Variants in SLCO1A2 observed in about 807,000 individuals in gnomAD.
SLCO1A2 encodes the protein solute carrier organic anion transporter family member 1A2.
A neutral mutation model predicts 69.0 loss-of-function variants in SLCO1A2; 67 were observed. The ratio of observed to expected loss-of-function variants is 0.97; its 90% CI spans 0.80 to 1.19. The LOEUF is 1.19. Among genes scored for constraint, SLCO1A2 ranks in the 50% most tolerant of loss-of-function variants. The probability of loss-of-function intolerance (pLI) is 0.00; values close to 1 mark genes in which losing one functional copy is unlikely to be tolerated. For missense variants in SLCO1A2, 787 were observed against 793.7 expected (o/e 0.99, Z 0.10); for synonymous variants, 260 against 265.9 (o/e 0.98, Z 0.22).
At chr12:21,371,730 C>T (rs879392342) in intron 2 of SLCO1A2, among the ~76,000 whole-genome samples, 28 of 152,186 alleles carry the variant, frequency 1.8e-4, no homozygotes, top group South Asian at 1.7e-3. Flanking sequence ...AGGATGGGTG[C>T]GGTGGCTGAC....
chr12:21,363,859 T>A (rs1320026564), intron 2 of SLCO1A2, among the ~76,000 whole-genome samples: 1 of 152,184 alleles, frequency 6.6e-6, no homozygotes, highest in Non-Finnish European at 1.5e-5. Context: ...AGAAGCTGAA[T>A]CCCTGAATAG....
chr12:21,374,232 T>C (rs1486586948), intron 2 of SLCO1A2, among the ~76,000 whole-genome samples: 1 of 152,178 alleles, frequency 6.6e-6, no homozygotes, highest in African/African-American at 2.4e-5. Context: ...ATTTTCAAAC[T>C]GAGATTTTAA....
chr12:21,273,599 C>T lies in SLCO1A2; in HGVS notation c.1793+870G>A, dbSNP rs150921432. 1.3e-3 allele frequency among the ~76,000 whole-genome samples: 201 copies of T among 152,214 alleles called. 1 individual carries two copies. The highest frequency in any genetic ancestry group is 4.6e-3 in the African/African-American group (190 of 41,550). ...AATTCAGGAGACTATCAACAAGAAT[C>T]CAAGTAGCAGGATGAGGCCAACCCT... is the stretch of plus-strand genomic sequence containing the variant. On this transcript the variant is annotated intron_variant, in intron 14 of 14. Coordinates refer to ENST00000683939, the MANE Select transcript of SLCO1A2 (RefSeq NM_001386879.1).
chr12:21,336,370 C>T (rs911637902), upstream of SLCO1A2, among the ~76,000 whole-genome samples: 2 of 151,894 alleles, frequency 1.3e-5, no homozygotes, highest in South Asian at 4.1e-4. Flanking sequence ...ATATAGTTCC[C>T]TCCATGAATT....
At chr12:21,357,139 T>G (rs1938431590) in intron 2 of SLCO1A2, among the ~76,000 whole-genome samples, 1 of 152,134 alleles carries the variant, frequency 6.6e-6, no homozygotes, top group Non-Finnish European at 1.5e-5. Flanking sequence ...GCAAAATGCA[T>G]CTGTTGAAGT....
Position 21,269,601 on chromosome 12 carries a change from TATC to T in SLCO1A2, c.1957_1959del (p.Asp653del). 1 of 1,612,600 alleles carries T rather than the reference TATC, an allele frequency of 6.2e-7. No individual in the cohort carries two copies. ...TTCAAAACCGTGGACTTTTGGTATATATCTTTGCACTCATTTTCCTTCCCTTTG... is the reference window on the plus strand; with the variant it reads ...TTCAAAACCGTGGACTTTTGGTATATTTTGCACTCATTTTCCTTCCCTTTG... On this transcript the variant is annotated inframe_deletion, in exon 15 of 15. Transcript: ENST00000683939.
At position 21,268,302 on chromosome 12, in the gene SLCO1A2, T is replaced by C. The variant is rs577789812; in HGVS notation, c.*1246A>G. The C allele has an allele frequency of 3.5e-4, 53 of 152,224 alleles. No individual in the cohort carries two copies. Among genetic ancestry groups the C allele is most frequent in the African/African-American group, 1.3e-3 (53 of 41,544 alleles). The allele number at this position is 152,224 out of a possible 1,614,324, so 9.4% of individuals were successfully genotyped here. ...CTCTGTTGTATCCCTGCAGACACTC[T>C]CACTCCATTTATAGTACACATAAAT... On this transcript the variant is annotated 3_prime_UTR_variant, in exon 15 of 15. Transcript: ENST00000683939.
At chr12:21,384,773 T>C (rs1940785155) in intron 1 of SLCO1A2, among the ~76,000 whole-genome samples, 1 of 150,918 alleles carries the variant, frequency 6.6e-6, no homozygotes, top group South Asian at 2.1e-4. Context: ...TTTTTTCTTT[T>C]TTTTTTTTTT....
rs1348107302 is a variant in SLCO1A2, at chr12:21,304,089, C to T, written c.589+338G>A. On this transcript the variant is annotated intron_variant, in intron 6 of 14. Transcript: ENST00000683939. Reference sequence around the variant, plus strand: ...ACAAAAACAGAGGTAGTGAAAATAGCGAGAAAGGTTTTGAATGCACAGAAC... The same window carrying T: ...ACAAAAACAGAGGTAGTGAAAATAGTGAGAAAGGTTTTGAATGCACAGAAC... Among the ~76,000 whole-genome samples the T allele has an allele frequency of 1.1e-4, 16 of 152,142 alleles. No individual in the cohort carries two copies. The East Asian group carries it at 2.3e-3, about 22-fold the overall frequency.
At chr12:21,272,352 GTATT>G (rs1208811398) in intron 14 of SLCO1A2, among the ~76,000 whole-genome samples, 2 of 151,574 alleles carry the variant, frequency 1.3e-5, no homozygotes, top group African/African-American at 4.8e-5. Context: ...ATTTTTGTCT[GTATT>G]TAATATTCAT....
chr12:21,338,528 T>C (rs1181090731), upstream of SLCO1A2, among the ~76,000 whole-genome samples: 1 of 151,898 alleles, frequency 6.6e-6, no homozygotes, highest in Non-Finnish European at 1.5e-5. Flanking sequence ...AATCTCCATC[T>C]GTCCAAGCTA....
chr12:21,311,579 C>A (rs1174614540), intron 4 of SLCO1A2: 5 of 151,134 alleles, frequency 3.3e-5, no homozygotes, highest in Admixed American at 2.6e-4. Context: ...TCCTGGGCAA[C>A]TAGATGCATT....
intron 4 of SLCO1A2, among the ~76,000 whole-genome samples, chr12:21,311,272 T>C (rs1272713218): frequency 2.0e-5 from 3 of 152,152 alleles, no homozygotes; most frequent in African/African-American, 7.2e-5. Context: ...CCCCTCAGGG[T>C]TATCTAAGAG....
At chr12:21,403,987 G>T (rs532919820) in intron 1 of SLCO1A2, among the ~76,000 whole-genome samples, 80 of 152,100 alleles carry the variant, frequency 5.3e-4, no homozygotes, top group Non-Finnish European at 7.9e-4. Flanking sequence ...AAGAAAAAAT[G>T]ACACCAAAAC....
At chr12:21,313,772 C>A (rs1318150399) in intron 4 of SLCO1A2, among the ~76,000 whole-genome samples, 1 of 151,382 alleles carries the variant, frequency 6.6e-6, no homozygotes, top group Non-Finnish European at 1.5e-5. Flanking sequence ...AGATCGAGAC[C>A]ATCCTGGCTA....
chr12:21,339,776 C>A (rs754963875), upstream of SLCO1A2, among the ~76,000 whole-genome samples: 2 of 151,908 alleles, frequency 1.3e-5, no homozygotes, highest in African/African-American at 4.8e-5. Context: ...CCCAGTCTCA[C>A]ACCAGTACTT....
intron 2 of SLCO1A2, among the ~76,000 whole-genome samples, chr12:21,351,217 A>G (rs1257367242): frequency 6.6e-6 from 1 of 152,190 alleles, no homozygotes; most frequent in African/African-American, 2.4e-5. Context: ...GACATGGCAA[A>G]ATGTGTTTTG....
At chr12:21,355,679 G>A (rs949943915) in intron 2 of SLCO1A2, among the ~76,000 whole-genome samples, 3 of 152,044 alleles carry the variant, frequency 2.0e-5, no homozygotes, top group African/African-American at 7.2e-5. Context: ...AAACACTTAG[G>A]ATTCTTACAG....
At chr12:21,411,956 T>C (rs1941913850) in intron 1 of SLCO1A2, among the ~76,000 whole-genome samples, 1 of 152,314 alleles carries the variant, frequency 6.6e-6, no homozygotes, top group East Asian at 1.9e-4. Flanking sequence ...TGTGAGCCAC[T>C]GTGCCTGGCC....
Sources: gnomAD v4.1 joint callset for allele counts (sites outside exome capture counted in the v4.1 genomes callset) on GRCh38, gnomAD v4.1.1 for gene constraint, MANE v1.5 for transcripts, NCBI Gene and HGNC (gene_info 2026-07-23, HGNC 2026-07-21) for gene names.